The following PREP variants were observed in gnomAD, a reference collection of about 807,000 sequenced individuals.
PREP encodes the protein prolyl endopeptidase.
A neutral mutation model predicts 87.6 loss-of-function variants in PREP; 29 were observed. That is an observed-to-expected ratio of 0.33 (90% CI 0.25 to 0.45). The LOEUF (loss-of-function observed/expected upper bound fraction) is 0.45, where lower values mean the gene tolerates loss of function less well. Ranked by LOEUF, PREP falls within the 20% of genes least tolerant of loss-of-function variation. The pLI is 1.00. For synonymous variants in PREP, 337 were observed against 328.6 expected, an observed-to-expected ratio of 1.03 and a Z score of -0.28; for missense variants, 695 against 886.5, an observed-to-expected ratio of 0.78 and a Z score of 2.74.
chr6:105,290,127 C>T (rs916083676), intron 10 of PREP, among the ~76,000 whole-genome samples: 6 of 152,074 alleles, frequency 3.9e-5, no homozygotes, highest in Non-Finnish European at 7.4e-5. Context: ...TGGCATCTGA[C>T]GAATCATGGA....
intron 10 of PREP, among the ~76,000 whole-genome samples, chr6:105,290,981 A>AACCACCCGACCAC (rs1249497146): frequency 6.6e-6 from 1 of 152,248 alleles, no homozygotes; most frequent in Non-Finnish European, 1.5e-5. Context: ...GGTTCCAGAC[A>AACCACCCGACCAC]ACCACAATAA....
At chr6:105,388,962 CACTT>C (rs1773071637) in intron 2 of PREP, among the ~76,000 whole-genome samples, 1 of 152,232 alleles carries the variant, frequency 6.6e-6, no homozygotes, top group African/African-American at 2.4e-5. Flanking sequence ...AATAAAACCA[CACTT>C]ACAAGTCACA....
At chr6:105,331,437 A>T (rs896432350) in intron 8 of PREP, among the ~76,000 whole-genome samples, 1 of 152,238 alleles carries the variant, frequency 6.6e-6, no homozygotes, top group Non-Finnish European at 1.5e-5. Context: ...TGCCTTGGGA[A>T]ACAGTTACAA....
At chr6:105,385,396 A>G in intron 2 of PREP, among the ~76,000 whole-genome samples, 1 of 152,062 alleles carries the variant, frequency 6.6e-6, no homozygotes, top group South Asian at 2.1e-4. Flanking sequence ...AACAAATATA[A>G]CCACGGATTG....
At chr6:105,372,229 A>G (rs2114707595) in intron 5 of PREP, among the ~76,000 whole-genome samples, 1 of 152,226 alleles carries the variant, frequency 6.6e-6, no homozygotes, top group African/African-American at 2.4e-5. Context: ...ACAGAAAAGA[A>G]AGCAAGGATA....
intron 10 of PREP, among the ~76,000 whole-genome samples, chr6:105,305,609 G>T (rs1439269930): frequency 7.2e-5 from 11 of 152,088 alleles, no homozygotes; most frequent in African/African-American, 2.7e-4. Flanking sequence ...GAAGGTAAAA[G>T]AACAAATTCT....
chr6:105,324,017 T>C (rs1771084462), intron 9 of PREP, among the ~76,000 whole-genome samples: 1 of 152,204 alleles, frequency 6.6e-6, no homozygotes, highest in South Asian at 2.1e-4. Context: ...TTTATAACAC[T>C]AGTAAGTATA....
rs1048307522 is a variant in PREP at position 105,319,374 on chromosome 6, T to G, written c.1317+4291A>C. The stretch of plus-strand genomic sequence containing the variant: ...GTAGATGCTTGTTAATGGAGTTGAT[T>G]CAGGGTATAGACTCAGTTAAGTGTT... On this transcript the variant is annotated intron_variant, in intron 10 of 14. Coordinates refer to ENST00000652536, the MANE Select transcript of PREP (RefSeq NM_002726.5). 1.1e-4 allele frequency among the ~76,000 whole-genome samples: 17 copies of G among 152,348 alleles called. No homozygotes were observed. The East Asian group carries it at 1.4e-3, about 12-fold the overall frequency.
intron 10 of PREP, among the ~76,000 whole-genome samples, chr6:105,321,833 G>A (rs974899153): frequency 7.2e-5 from 11 of 152,128 alleles, no homozygotes; most frequent in Admixed American, 2.0e-4. Flanking sequence ...ACAGAGCTGA[G>A]CCCCCTCATA....
intron 12 of PREP, among the ~76,000 whole-genome samples, chr6:105,284,949 CAG>C (rs1450706985): frequency 2.0e-5 from 3 of 152,310 alleles, no homozygotes; most frequent in Non-Finnish European, 4.4e-5. Flanking sequence ...TAATGCACGA[CAG>C]AGTCACAGCA....
Position 105,273,667 on chromosome 6 carries a change from GC to G in PREP, c.*4476del, listed in dbSNP as rs1769871959. On this transcript the variant is annotated 3_prime_UTR_variant, in exon 15 of 15. Transcript: ENST00000652536. The stretch of plus-strand genomic sequence containing the variant: ...AACCTGCTCTTTGAATAACCACCCC[GC>G]TTTTCCCTAGGCTCTCCTGCTGTCA... 6.6e-6 allele frequency: 1 copy of G among 151,996 alleles called. No homozygotes were observed. Among genetic ancestry groups the G allele is most frequent in the Non-Finnish European group, 1.5e-5 (1 of 68,048 alleles). The allele number at this position is 151,996 out of a possible 1,614,324, so 9.4% of individuals were successfully genotyped here. A position where few individuals can be genotyped will look rare whatever the true frequency, so the allele number is the denominator to read the frequency against.
chr6:105,347,464 T>C (rs898112301), intron 7 of PREP, among the ~76,000 whole-genome samples: 4 of 152,232 alleles, frequency 2.6e-5, no homozygotes, highest in Non-Finnish European at 5.9e-5. Flanking sequence ...ACAACAAAAG[T>C]AACCAAAGTT....
At chr6:105,285,031 A>G (rs188890057) in intron 12 of PREP, among the ~76,000 whole-genome samples, 1 of 152,366 alleles carries the variant, frequency 6.6e-6, no homozygotes, top group Non-Finnish European at 1.5e-5. Flanking sequence ...GAGGATGCCC[A>G]CACTGGGAAC....
intron 11 of PREP, among the ~76,000 whole-genome samples, chr6:105,285,952 T>C (rs1192011431): frequency 4.6e-5 from 7 of 152,124 alleles, no homozygotes; most frequent in Non-Finnish European, 8.8e-5. Flanking sequence ...ATTTTTGTAT[T>C]TTTAGTAGAG....
Position 105,322,293 on chromosome 6 carries a change from C to T in PREP, c.1317+1372G>A, listed in dbSNP as rs186333789. 1.1e-3 allele frequency: 1,032 copies of T among 920,876 alleles called. 3 individuals carry two copies. In the Middle Eastern group the frequency reaches 0.014, roughly 12 times the overall value. The allele number at this position is 920,876 out of a possible 1,614,324, so 57.0% of individuals were successfully genotyped here. ...AAAAGTCTGTTACATTTATTTCTAA[C>T]GTTGATTGAAAAAAATAGATTATAT... On this transcript the variant is annotated intron_variant, in intron 10 of 14. Coordinates refer to ENST00000652536, the MANE Select transcript of PREP (RefSeq NM_002726.5).
chr6:105,311,892 C>T lies in PREP; in HGVS notation c.1317+11773G>A, dbSNP rs115067950. ...CTTTAGGAATCCCAGAACACTCCTT[C>T]GTTGCTCTTATTTCTAAGGATTCTG... is the stretch of plus-strand genomic sequence containing the variant. On this transcript the variant is annotated intron_variant, in intron 10 of 14. Coordinates refer to ENST00000652536, the MANE Select transcript of PREP (RefSeq NM_002726.5). Among the ~76,000 whole-genome samples the T allele has an allele frequency of 5.7e-3, 874 of 152,336 alleles. 11 individuals carry two copies. The highest frequency in any genetic ancestry group is 0.02 in the African/African-American group (835 of 41,576).
intron 7 of PREP, among the ~76,000 whole-genome samples, chr6:105,350,805 A>G (rs1280060209): frequency 6.6e-6 from 1 of 152,248 alleles, no homozygotes; most frequent in Non-Finnish European, 1.5e-5. Flanking sequence ...TATGTTATCC[A>G]CAAACATAAT....
chr6:105,402,872 G>A lies in PREP; in HGVS notation c.20C>T (p.Pro7Leu). 6.5e-7 allele frequency: 1 copy of A among 1,541,442 alleles called. No homozygotes were observed. The highest frequency in any genetic ancestry group is 8.8e-7 in the Non-Finnish European group (1 of 1,141,526). The change falls in exon 1 of 15, where the codon CCC (proline) becomes CTC (leucine). Residue 7 changes from proline to leucine, a missense_variant. Around this residue, in one of 5 missense-constraint regions of PREP, gnomAD observed 517 missense variants for 620.3 expected, o/e 0.83. Transcript: ENST00000652536. MLSLQY[P>L]DVYRDETAVQ... ...GGCGGTCTCGTCGCGGTACACGTCGGGGTACTGAAGGGACAGCATGGCCGG... is the reference window on the plus strand; with the variant it reads ...GGCGGTCTCGTCGCGGTACACGTCGAGGTACTGAAGGGACAGCATGGCCGG...
At chr6:105,395,096 T>C (rs893983578) in intron 2 of PREP, among the ~76,000 whole-genome samples, 11 of 152,068 alleles carry the variant, frequency 7.2e-5, no homozygotes, top group Non-Finnish European at 1.3e-4. Flanking sequence ...ACATGAAAAA[T>C]TGCCATGGTA....
Sources: gnomAD v4.1 joint callset for allele counts (sites outside exome capture counted in the v4.1 genomes callset) on GRCh38, gnomAD v4.1.1 for gene constraint, gnomAD v4.1.1 regional missense constraint, MANE v1.5 for transcripts, NCBI Gene and HGNC (gene_info 2026-07-23, HGNC 2026-07-21) for gene names.